Variants in JAZF1 observed in about 807,000 individuals in gnomAD.
JAZF1 encodes JAZF zinc finger 1, also known as juxtaposed with another zinc finger protein 1.
In JAZF1, 8 loss-of-function variants were observed where a neutral mutation model predicts 26.4. The ratio of observed to expected loss-of-function variants is 0.30; its 90% CI spans 0.18 to 0.55. The LOEUF (loss-of-function observed/expected upper bound fraction) is 0.55. Among genes scored for constraint, JAZF1 ranks in the 20% least tolerant of loss-of-function variants. The pLI is 0.94. For synonymous variants in JAZF1, 126 were observed against 122.3 expected, an observed-to-expected ratio of 1.03 and a Z score of -0.20; for missense variants, 199 against 322.0, an observed-to-expected ratio of 0.62 and a Z score of 2.92.
intron 1 of JAZF1, chr7:28,020,456 C>G (rs371483945): frequency 7.6e-6 from 3 of 393,626 alleles, no homozygotes; most frequent in South Asian, 1.9e-5. Context: ...AGCGCCTCCA[C>G]GGTGCCTTCT....
chr7:28,179,641 G>T (rs914542443), intron 1 of JAZF1, among the ~76,000 whole-genome samples: 4 of 150,072 alleles, frequency 2.7e-5, no homozygotes, highest in Non-Finnish European at 5.9e-5. Flanking sequence ...CGGCCCGCGG[G>T]CGCACCCAAG....
chr7:28,155,499 G>T (rs1349862790), intron 1 of JAZF1, among the ~76,000 whole-genome samples: 1 of 152,220 alleles, frequency 6.6e-6, no homozygotes, highest in Non-Finnish European at 1.5e-5. Flanking sequence ...TATAAAGTGT[G>T]TTTTAGTTTT....
chr7:28,084,676 C>T (rs1475126668), intron 1 of JAZF1, among the ~76,000 whole-genome samples: 2 of 152,228 alleles, frequency 1.3e-5, no homozygotes, highest in Non-Finnish European at 2.9e-5. Flanking sequence ...AGCATCATGC[C>T]ATTGCCATGC....
intron 2 of JAZF1, among the ~76,000 whole-genome samples, chr7:27,978,992 C>T (rs1785526257): frequency 6.6e-6 from 1 of 151,788 alleles, no homozygotes. Context: ...AATTACTGTT[C>T]TATGAAACAG....
chr7:27,916,568 G>A (rs1275614508), intron 2 of JAZF1, among the ~76,000 whole-genome samples: 1 of 152,166 alleles, frequency 6.6e-6, no homozygotes, highest in Non-Finnish European at 1.5e-5. Flanking sequence ...TCATGCTGGT[G>A]TAAACTTACC....
intron 1 of JAZF1, among the ~76,000 whole-genome samples, chr7:28,021,592 A>C (rs1366129224): frequency 6.6e-6 from 1 of 152,188 alleles, no homozygotes; most frequent in Non-Finnish European, 1.5e-5. Flanking sequence ...GGGCAGGTGA[A>C]GACAGTGTGG....
chr7:27,877,591 T>C (rs1476426979), intron 3 of JAZF1, among the ~76,000 whole-genome samples: 2 of 152,136 alleles, frequency 1.3e-5, no homozygotes, highest in Non-Finnish European at 2.9e-5. Context: ...CTAGAAAGCC[T>C]TGGGTTCTGG....
At chr7:28,013,005 AC>A (rs1782823055) in intron 1 of JAZF1, among the ~76,000 whole-genome samples, 1 of 152,122 alleles carries the variant, frequency 6.6e-6, no homozygotes, top group African/African-American at 2.4e-5. Context: ...CTTCACACTT[AC>A]CCCATGGTTT....
At chr7:28,164,678 C>A (rs1179317949) in intron 1 of JAZF1, among the ~76,000 whole-genome samples, 3 of 152,154 alleles carry the variant, frequency 2.0e-5, no homozygotes, top group Non-Finnish European at 4.4e-5. Flanking sequence ...GGAATCTATA[C>A]AATCTCCCTC....
At chr7:28,134,117 G>C (rs570849927) in intron 1 of JAZF1, among the ~76,000 whole-genome samples, 1 of 152,082 alleles carries the variant, frequency 6.6e-6, no homozygotes, top group Non-Finnish European at 1.5e-5. Context: ...GCGCCTGGTG[G>C]GTACTGAGCA....
chr7:28,050,407 G>A (rs192641774), intron 1 of JAZF1, among the ~76,000 whole-genome samples: 1 of 152,322 alleles, frequency 6.6e-6, no homozygotes, highest in African/African-American at 2.4e-5. Flanking sequence ...CCTGATTTTA[G>A]ACAGTGTTGA....
At chr7:27,934,838 G>T (rs1364041315) in intron 2 of JAZF1, among the ~76,000 whole-genome samples, 2 of 152,042 alleles carry the variant, frequency 1.3e-5, no homozygotes, top group Admixed American at 6.5e-5. Flanking sequence ...AGTGACAAAA[G>T]AAAAAACTAG....
chr7:28,140,195 G>A (rs1335647570), intron 1 of JAZF1, among the ~76,000 whole-genome samples: 1 of 150,968 alleles, frequency 6.6e-6, no homozygotes, highest in East Asian at 2.0e-4. Context: ...CAATTCTCCT[G>A]CCTCAGCCTC....
At chr7:27,926,254 C>A (rs894614174) in intron 2 of JAZF1, among the ~76,000 whole-genome samples, 1 of 152,138 alleles carries the variant, frequency 6.6e-6, no homozygotes, top group African/African-American at 2.4e-5. Flanking sequence ...AAGAGAGGCC[C>A]ACATAAGGAT....
At chr7:28,029,007 G>A (rs1382720267) in intron 1 of JAZF1, among the ~76,000 whole-genome samples, 11 of 151,794 alleles carry the variant, frequency 7.2e-5, no homozygotes, top group Non-Finnish European at 1.3e-4. Flanking sequence ...TTATTTTGCA[G>A]ATGATTTAAC....
At chr7:28,010,534 C>A (rs894069705) in intron 1 of JAZF1, among the ~76,000 whole-genome samples, 3 of 152,204 alleles carry the variant, frequency 2.0e-5, no homozygotes, top group Non-Finnish European at 4.4e-5. Context: ...ACCCAGAACA[C>A]CTCGTCCTCA....
chr7:28,069,794 T>C (rs531955981), intron 1 of JAZF1, among the ~76,000 whole-genome samples: 69 of 152,280 alleles, frequency 4.5e-4, no homozygotes, highest in African/African-American at 1.5e-3. Flanking sequence ...GTCTGCAGCA[T>C]TCACCATGCT....
chr7:28,153,967 G>T (rs1783145371), intron 1 of JAZF1, among the ~76,000 whole-genome samples: 1 of 151,972 alleles, frequency 6.6e-6, no homozygotes, highest in Non-Finnish European at 1.5e-5. Context: ...TCTAAGAGAA[G>T]TCCCTATCAA....
At chr7:28,031,169 G>A (rs1168726890) in intron 1 of JAZF1, among the ~76,000 whole-genome samples, 3 of 152,002 alleles carry the variant, frequency 2.0e-5, no homozygotes, top group Non-Finnish European at 2.9e-5. Flanking sequence ...TTTCTCTATC[G>A]ATGGCACCTT....
Sources: gnomAD v4.1 joint callset for allele counts (sites outside exome capture counted in the v4.1 genomes callset) on GRCh38, gnomAD v4.1.1 for gene constraint, MANE v1.5 for transcripts, NCBI Gene and HGNC (gene_info 2026-07-23, HGNC 2026-07-21) for gene names.